The following HNRNPM variants were observed in gnomAD, a reference collection of about 807,000 sequenced individuals.
HNRNPM encodes the protein CEA receptor.
A neutral mutation model predicts 73.1 loss-of-function variants in HNRNPM; 11 were observed. That is an observed-to-expected ratio of 0.15 (90% CI 0.09 to 0.25). The LOEUF (loss-of-function observed/expected upper bound fraction) is 0.25, where lower values mean the gene tolerates loss of function less well. Ranked by LOEUF, HNRNPM falls within the 10% of genes least tolerant of loss-of-function variation. The pLI, the probability that HNRNPM is intolerant of heterozygous loss-of-function variation, is 1.00. For missense variants in HNRNPM, 789 were observed against 1,067.9 expected (o/e 0.74, Z 3.64); for synonymous variants, 407 against 355.2 (o/e 1.15, Z -1.64).
At chr19:8,460,990 T>A (rs1969357726) in intron 2 of HNRNPM, among the ~76,000 whole-genome samples, 1 of 152,248 alleles carries the variant, frequency 6.6e-6, no homozygotes, top group Admixed American at 6.5e-5. Context: ...TAAAGCCGCT[T>A]TGTACAACTG....
intron 3 of HNRNPM, among the ~76,000 whole-genome samples, 174 bp from the exon 4 acceptor site, chr19:8,463,323 G>T (rs1476141884): frequency 6.6e-6 from 1 of 152,178 alleles, no homozygotes; most frequent in East Asian, 1.9e-4. Flanking sequence ...AACAAGGAAG[G>T]CGAGGCGAGG....
chr19:8,478,420 T>C (rs559476557), intron 12 of HNRNPM, among the ~76,000 whole-genome samples: 1 of 152,116 alleles, frequency 6.6e-6, no homozygotes, highest in African/African-American at 2.4e-5. Flanking sequence ...GGTGGAGGAC[T>C]TGAAAGAGAC....
At chr19:8,451,268 C>T (rs925938032) in intron 1 of HNRNPM, among the ~76,000 whole-genome samples, 2 of 151,998 alleles carry the variant, frequency 1.3e-5, no homozygotes, top group African/African-American at 4.8e-5. Context: ...GTCTTGAACT[C>T]CTGACCTCAG....
intron 10 of HNRNPM, among the ~76,000 whole-genome samples, chr19:8,472,889 G>C (rs1970249684): frequency 6.6e-6 from 1 of 151,966 alleles, no homozygotes; most frequent in South Asian, 2.1e-4. Context: ...CCCTTAACAG[G>C]GATTCTTAAA....
chr19:8,459,212 C>T (rs570153848), intron 2 of HNRNPM, among the ~76,000 whole-genome samples: 40 of 152,142 alleles, frequency 2.6e-4, no homozygotes, highest in Non-Finnish European at 4.7e-4. Flanking sequence ...CAGGCCTGGC[C>T]GCAGCCTGCA....
intron 10 of HNRNPM, among the ~76,000 whole-genome samples, chr19:8,471,980 G>A (rs1970173234): frequency 6.6e-6 from 1 of 152,124 alleles, no homozygotes; most frequent in Non-Finnish European, 1.5e-5. Flanking sequence ...AGACCATCCT[G>A]GCCAACATGG....
Position 8,471,333 on chromosome 19 carries a change from TG to T in HNRNPM, c.905del (p.Gly302ValfsTer7). 6.3e-7 allele frequency: 1 copy of T among 1,578,838 alleles called. No homozygotes were observed. On this transcript the variant is annotated frameshift_variant, in exon 10 of 16. Transcript: ENST00000325495. LOFTEE classifies it high-confidence loss of function. ...ERPQQLPHGL[G>X]GIGMGLGPGG... ...TTTCTCTTTTCTTTCCAGATGGCCT[TG>T]GTGGTATTGGCATGGGGTTAGGACC...
chr19:8,480,754 C>T (rs552550917), intron 12 of HNRNPM, among the ~76,000 whole-genome samples: 8 of 152,178 alleles, frequency 5.3e-5, no homozygotes, highest in East Asian at 1.9e-4. Context: ...CAGCACCTCT[C>T]GCCTAATTCC....
intron 7 of HNRNPM, among the ~76,000 whole-genome samples, chr19:8,467,151 A>G (rs1456990714): frequency 6.6e-6 from 1 of 152,184 alleles, no homozygotes; most frequent in Non-Finnish European, 1.5e-5. Context: ...ACAGGAGCAC[A>G]TTCATACAAC....
chr19:8,480,955 G>A (rs1970876157), intron 12 of HNRNPM, among the ~76,000 whole-genome samples: 1 of 152,168 alleles, frequency 6.6e-6, no homozygotes, highest in Non-Finnish European at 1.5e-5. Flanking sequence ...CTGCCGCTGT[G>A]ATCAGACCTA....
chr19:8,462,108 G>A lies in HNRNPM; in HGVS notation c.284-421G>A, dbSNP rs1319269760. The A allele has an allele frequency of 5.3e-6, 1 of 188,566 alleles. No homozygotes were observed. The highest frequency in any genetic ancestry group is 2.3e-5 in the African/African-American group (1 of 42,960). The allele number at this position is 188,566 out of a possible 1,614,324, so 11.7% of individuals were successfully genotyped here. A position where few individuals can be genotyped will look rare whatever the true frequency, so the allele number is the denominator to read the frequency against. On this transcript the variant is annotated intron_variant, in intron 2 of 15. Transcript: ENST00000325495. The surrounding 1 kb of genome is among the most constrained non-coding windows in gnomAD (Gnocchi z 4.5). ...ACGTGCGTCCTTGTATTTATAGCAT[G>A]TGAGCTCAGCCCGATGGCATCGCAA... is the stretch of plus-strand genomic sequence containing the variant.
intron 13 of HNRNPM, among the ~76,000 whole-genome samples, chr19:8,484,263 G>A (rs1473793018): frequency 6.9e-6 from 1 of 145,312 alleles, no homozygotes; most frequent in East Asian, 2.0e-4. Flanking sequence ...TGTGACCTCC[G>A]TCTCCTGGGT....
intron 2 of HNRNPM, among the ~76,000 whole-genome samples, chr19:8,456,132 G>A (rs909202463): frequency 2.0e-5 from 3 of 152,046 alleles, no homozygotes; most frequent in Middle Eastern, 6.3e-3. Context: ...GAGTAGACTG[G>A]CCATTGGAGA....
Position 8,445,104 on chromosome 19 carries a change from C to T in HNRNPM, c.106C>T (p.Pro36Ser), listed in dbSNP as rs760282480. Residue 36 changes from proline to serine, a missense_variant, in exon 1 of 16, where the codon CCT (proline) becomes TCT (serine). Coordinates refer to ENST00000325495, the MANE Select transcript of HNRNPM (RefSeq NM_005968.5). Reference protein sequence around the residue: ...GVPSGNGAPGPKGEGERPAQN... With the variant: ...GVPSGNGAPGSKGEGERPAQN... ...GCCGAGCGGCAACGGGGCTCCGGGC[C>T]CTAAGGGGTGAGTATCCCACGGTCC... The T allele has an allele frequency of 5.7e-6, 8 of 1,410,340 alleles. No homozygotes were observed. In the African/African-American group the frequency reaches 9.1e-5, roughly 16 times the overall value. The allele number at this position is 1,410,340 out of a possible 1,614,324, so 87.4% of individuals were successfully genotyped here. A position where few individuals can be genotyped will look rare whatever the true frequency, so the allele number is the denominator to read the frequency against.
intron 12 of HNRNPM, among the ~76,000 whole-genome samples, chr19:8,480,825 G>A (rs1344980782): frequency 6.6e-6 from 1 of 152,096 alleles, no homozygotes; most frequent in African/African-American, 2.4e-5. Flanking sequence ...TGCCTTTGAG[G>A]TCACTTCATG....
chr19:8,474,076 C>A, intron 11 of HNRNPM, 91 bp from the exon 12 acceptor site: 1 of 890,028 alleles, frequency 1.1e-6, no homozygotes, highest in Non-Finnish European at 1.7e-6. Context: ...GCAGAAGATA[C>A]CCCAGTTGAA....
At chr19:8,474,349 T>C in intron 12 of HNRNPM, 105 bp downstream of exon 12, 3 of 660,450 alleles carry the variant, frequency 4.5e-6, no homozygotes, top group Non-Finnish European at 7.5e-6. Flanking sequence ...TTCTCACTTC[T>C]GCTTTTCAAC....
At chr19:8,471,123 A>G (rs1437022914) in intron 9 of HNRNPM, among the ~76,000 whole-genome samples, 1 of 151,628 alleles carries the variant, frequency 6.6e-6, no homozygotes, top group Non-Finnish European at 1.5e-5. Context: ...CCTTTGTTGT[A>G]TACACACATA....
At chr19:8,483,306 A>C in intron 13 of HNRNPM, 95 bp downstream of exon 13, 1 of 925,968 alleles carries the variant, frequency 1.1e-6, no homozygotes. Context: ...GGGTTCTGAC[A>C]CAGACTGCCC....
Sources: allele counts gnomAD v4.1 joint callset (sites outside exome capture counted in the v4.1 genomes callset), GRCh38; gene constraint gnomAD v4.1.1; non-coding constraint Gnocchi (gnomAD v3.1); transcripts MANE v1.5; gene names NCBI Gene and HGNC (gene_info 2026-07-23, HGNC 2026-07-21).